TRAP1: variants seen among roughly 807,000 people sequenced by gnomAD.
TRAP1 encodes TNF receptor associated protein 1, also known as heat shock protein 75 kDa, mitochondrial.
Under a neutral mutation model 89.1 loss-of-function variants are expected in TRAP1, and 102 were observed. The observed-to-expected ratio is 1.15, with a 90% confidence interval of 0.98 to 1.35. TRAP1 has a LOEUF of 1.35. Ranked by LOEUF, TRAP1 falls within the 40% of genes most tolerant of loss-of-function variation. The pLI is 0.00. For synonymous variants in TRAP1, 508 were observed against 388.0 expected, an observed-to-expected ratio of 1.31 and a Z score of -3.64; for missense variants, 1,256 against 945.3, an observed-to-expected ratio of 1.33 and a Z score of -4.31.
At chr16:3,666,861 G>A (rs768864525) in intron 11 of TRAP1, among the ~76,000 whole-genome samples, 1 of 152,130 alleles carries the variant, frequency 6.6e-6, no homozygotes, top group South Asian at 2.1e-4. Context: ...CCTAAAATTA[G>A]GAACAACTTT....
In TRAP1 at chr16:3,671,779, C is replaced by T. The variant is rs1288915903; in HGVS notation, c.1178G>A (p.Ser393Asn). The T allele has an allele frequency of 4.3e-6, 7 of 1,612,730 alleles. No individual in the cohort carries two copies. The highest frequency in any genetic ancestry group is 5.1e-6 in the Non-Finnish European group (6 of 1,180,028). The change falls in exon 11 of 18, where the codon AGT becomes AAT. Residue 393 changes from serine to asparagine, a missense_variant. Transcript: ENST00000246957. ...GCTGAGGTTCAGGGGAATGTCCTCA[C>T]TGTCCACCACACCTGGGAGACACGG... The part of the protein sequence containing the change: ...WLRFIRGVVD[S>N]EDIPLNLSRE...
At chr16:3,690,508 T>G (rs1357208358) in intron 2 of TRAP1, among the ~76,000 whole-genome samples, 1 of 152,234 alleles carries the variant, frequency 6.6e-6, no homozygotes, top group East Asian at 1.9e-4. Flanking sequence ...AATTCGGTCC[T>G]GCGCAGACTG....
intron 15 of TRAP1, chr16:3,662,334 C>T (rs867377931): frequency 5.2e-5 from 35 of 668,382 alleles, no homozygotes; most frequent in Non-Finnish European, 7.4e-5. Context: ...ATACTGTGCC[C>T]GAGGGGCTCC....
chr16:3,704,382 C>T (rs1238829924), intron 1 of TRAP1: 1 of 152,174 alleles, frequency 6.6e-6, no homozygotes, highest in East Asian at 1.9e-4. Flanking sequence ...CACTTAAAAA[C>T]TTACGAGAAA....
At chr16:3,687,469 T>C (rs2051152790) in intron 3 of TRAP1, 1 of 152,140 alleles carries the variant, frequency 6.6e-6, no homozygotes. Context: ...TAGCTTCATC[T>C]CATCTAGTGG....
At chr16:3,664,818 G>A (rs953103511) in intron 12 of TRAP1, 3 of 225,862 alleles carry the variant, frequency 1.3e-5, no homozygotes, top group Non-Finnish European at 2.6e-5. Context: ...GTGGGCACAC[G>A]GACACGGGTG....
At chr16:3,662,850 C>G (rs755604222) in intron 15 of TRAP1, 32 bp downstream of exon 15, 14 of 1,610,122 alleles carry the variant, frequency 8.7e-6, no homozygotes, top group Non-Finnish European at 1.2e-5. Context: ...ACACTGCGGC[C>G]AAGTGGTGGT....
intron 1 of TRAP1, chr16:3,704,141 T>G (rs1040461860): frequency 1.2e-4 from 19 of 152,260 alleles, no homozygotes; most frequent in African/African-American, 4.3e-4. Flanking sequence ...GGTCAGGGGT[T>G]TGAGAACAGC....
intron 1 of TRAP1, among the ~76,000 whole-genome samples, chr16:3,706,317 T>C (rs2051445165): frequency 6.6e-6 from 1 of 152,032 alleles, no homozygotes; most frequent in African/African-American, 2.4e-5. Flanking sequence ...CTATGTTGCC[T>C]GGAGTGCAGT....
At chr16:3,709,969 GAACATTCTGAACAGAA>G (rs2051505973) in intron 1 of TRAP1, among the ~76,000 whole-genome samples, 1 of 152,114 alleles carries the variant, frequency 6.6e-6, no homozygotes, top group Non-Finnish European at 1.5e-5. Context: ...TTAAGTACAT[GAACATTCTGAACAGAA>G]AGACCTGTAT....
chr16:3,658,618 A>T (rs1407719111), intron 17 of TRAP1, 175 bp downstream of exon 17: 1 of 638,438 alleles, frequency 1.6e-6, no homozygotes, highest in East Asian at 2.8e-5. Context: ...GGTTGTAGTG[A>T]GCCAAGATCG....
chr16:3,667,834 C>A (rs2050857183), intron 11 of TRAP1, among the ~76,000 whole-genome samples: 1 of 149,580 alleles, frequency 6.7e-6, no homozygotes, highest in African/African-American at 2.5e-5. Context: ...TCTCGGCTCA[C>A]TGCAACCTCT....
chr16:3,701,677 T>C, intron 1 of TRAP1, among the ~76,000 whole-genome samples: 1 of 152,026 alleles, frequency 6.6e-6, no homozygotes, highest in Non-Finnish European at 1.5e-5. Context: ...CAGCAAGCTC[T>C]CCACGAGCTA....
In TRAP1 at chr16:3,666,091, C is replaced by A. The variant is rs755785820; in HGVS notation, c.1263G>T (p.Arg421Ser). The stretch of plus-strand genomic sequence containing the variant: ...TCTGGTCAATGAAGAATTTGATCAG[C>A]CTCTGCTGTAAAACGTCCCGGAGTT... ...IRKLRDVLQQ[R>S]LIKFFIDQSK... is the part of the protein sequence containing the mutation. Residue 421 changes from arginine to serine, a missense_variant, in exon 12 of 18, where the codon AGG becomes AGT. Arg to Ser is a moderately radical substitution (Grantham distance 110). Transcript: ENST00000246957. 1.2e-6 allele frequency: 2 copies of A among 1,613,558 alleles called. No homozygotes were observed. The highest frequency in any genetic ancestry group is 2.2e-5 in the South Asian group (2 of 90,962).
At chr16:3,688,656 A>T (rs55875712) in intron 3 of TRAP1, among the ~76,000 whole-genome samples, 6,183 of 151,706 alleles carry the variant, frequency 0.041, 165 homozygotes, top group Admixed American at 0.057. Context: ...CTAATTTTTT[A>T]AATTTTTTGT....
chr16:3,674,370 T>C lies in TRAP1; in HGVS notation c.1013A>G (p.Asn338Ser), dbSNP rs2050957562. 6.2e-7 allele frequency: 1 copy of C among 1,614,116 alleles called. No individual in the cohort carries two copies. Among genetic ancestry groups the C allele is most frequent in the Non-Finnish European group, 8.5e-7 (1 of 1,180,042 alleles). The change falls in exon 9 of 18, where the codon AAC (asparagine) becomes AGC (serine). Residue 338 changes from asparagine (N) to serine (S), a missense_variant. By Grantham distance (46) the Asn-to-Ser change is conservative. Coordinates refer to ENST00000246957, the MANE Select transcript of TRAP1 (RefSeq NM_016292.3). ...GGGCACGTAGAAGATGCTGCGGATG[T>C]TGAGCGGTGCGTCCGTCTTATAGTG... ...TLHYKTDAPL[N>S]IRSIFYVPDM... is the part of the protein sequence containing the mutation.
intron 1 of TRAP1, among the ~76,000 whole-genome samples, chr16:3,707,960 G>A (rs759703256): frequency 4.6e-5 from 7 of 152,082 alleles, no homozygotes; most frequent in Non-Finnish European, 8.8e-5. Flanking sequence ...AGAAGTAGGA[G>A]GATCACTTGA....
At chr16:3,678,512 G>A (rs1056574480) in intron 5 of TRAP1, 1 of 152,246 alleles carries the variant, frequency 6.6e-6, no homozygotes, top group African/African-American at 2.4e-5. Flanking sequence ...CGCGCAGGCT[G>A]GAGCGCGGTG....
chr16:3,717,484 G>A lies in TRAP1; in HGVS notation c.25C>T (p.Leu9=), dbSNP rs2051613704. 2 of 1,339,840 alleles carry A rather than the reference G, an allele frequency of 1.5e-6. No homozygotes were observed. The highest frequency in any genetic ancestry group is 1.9e-5 in the South Asian group (1 of 53,946). The allele number at this position is 1,339,840 out of a possible 1,614,324, so 83.0% of individuals were successfully genotyped here. ...GGCCGCAGGCGGCGGCCCCACAGCAGCAGCGCCCGCAGCTCGCGCGCCATG... is the reference window on the plus strand; with the variant it reads ...GGCCGCAGGCGGCGGCCCCACAGCAACAGCGCCCGCAGCTCGCGCGCCATG... MARELRAL[L]LWGRRLRPLL... Residue 9 remains leucine, a synonymous_variant, in exon 1 of 18, where the codon CTG becomes TTG. Coordinates refer to ENST00000246957, the MANE Select transcript of TRAP1 (RefSeq NM_016292.3).
Sources: gnomAD v4.1 joint callset for allele counts (sites outside exome capture counted in the v4.1 genomes callset) on GRCh38, gnomAD v4.1.1 for gene constraint, MANE v1.5 for transcripts, NCBI Gene and HGNC (gene_info 2026-07-23, HGNC 2026-07-21) for gene names.